Variants in SNX29 observed in about 807,000 individuals in gnomAD.
SNX29 encodes sorting nexin-29.
Under a neutral mutation model 102.1 loss-of-function variants are expected in SNX29, and 78 were observed. That is an observed-to-expected ratio of 0.76 (90% confidence interval 0.64 to 0.92). The LOEUF (loss-of-function observed/expected upper bound fraction) is 0.92, where lower values mean the gene tolerates loss of function less well. Ranked by LOEUF, SNX29 falls within the 40% of genes least tolerant of loss-of-function variation. SNX29 has a pLI of 0.00. For synonymous variants in SNX29, 580 were observed against 414.5 expected, an observed-to-expected ratio of 1.40 and a Z score of -4.85; for missense variants, 1,280 against 1,061.7, an observed-to-expected ratio of 1.21 and a Z score of -2.86.
chr16:12,410,229 C>T (rs1189561169), intron 18 of SNX29, among the ~76,000 whole-genome samples: 2 of 152,112 alleles, frequency 1.3e-5, no homozygotes, highest in Non-Finnish European at 2.9e-5. Context: ...CTTCTGACCT[C>T]GTGATCCACC....
intron 20 of SNX29, among the ~76,000 whole-genome samples, chr16:12,564,299 C>G (rs1025163720): frequency 6.6e-6 from 1 of 152,340 alleles, no homozygotes; most frequent in Non-Finnish European, 1.5e-5. Context: ...TATGAAGTTG[C>G]TGGCTAGACT....
At position 11,976,747 on chromosome 16, in the gene SNX29, C is replaced by T; in HGVS notation, c.-60C>T. 3.2e-6 allele frequency: 4 copies of T among 1,239,282 alleles called. No homozygotes were observed. The highest frequency in any genetic ancestry group is 4.6e-5 in the South Asian group (2 of 43,800). The allele number at this position is 1,239,282 out of a possible 1,614,324, so 76.8% of individuals were successfully genotyped here. A position where few individuals can be genotyped will look rare whatever the true frequency, so the allele number is the denominator to read the frequency against. On this transcript the variant is annotated 5_prime_UTR_variant, in exon 1 of 21. Transcript: ENST00000566228. The stretch of plus-strand genomic sequence containing the variant: ...GTCTCCCGGCCTGTCTGGAGCTCGG[C>T]AGCCGCAGAAGCGGCAGCGGCGGCG...
At chr16:12,070,917 T>C (rs1326725112) in intron 10 of SNX29, among the ~76,000 whole-genome samples, 1 of 152,236 alleles carries the variant, frequency 6.6e-6, no homozygotes, top group African/African-American at 2.4e-5. Context: ...ATTTCTCTGA[T>C]GGCCAGCGAT....
chr16:12,012,848 C>G (rs1567524663), intron 3 of SNX29, among the ~76,000 whole-genome samples: 1 of 152,040 alleles, frequency 6.6e-6, no homozygotes, highest in Non-Finnish European at 1.5e-5. Flanking sequence ...TATATTTTTT[C>G]CTGACACACA....
intron 3 of SNX29, among the ~76,000 whole-genome samples, chr16:12,007,153 T>C (rs1280249598): frequency 6.6e-6 from 1 of 152,182 alleles, no homozygotes; most frequent in African/African-American, 2.4e-5. Flanking sequence ...TGTATTTGGG[T>C]AAAGGTGGCA....
In SNX29 at chr16:12,569,871, AGAGT is replaced by A. The variant is rs1368080100; in HGVS notation, c.*1243_*1246del. 1 of 231,176 alleles carries A rather than the reference AGAGT, an allele frequency of 4.3e-6. No homozygotes were observed. The highest frequency in any genetic ancestry group is 8.6e-6 in the Non-Finnish European group (1 of 116,790). 14.3% of individuals were successfully genotyped at this position (231,176 alleles called of 1,614,324 possible). On this transcript the variant is annotated 3_prime_UTR_variant, in exon 21 of 21. Coordinates refer to ENST00000566228, the MANE Select transcript of SNX29 (RefSeq NM_032167.5). ...AGGATGTCGTGAAATGGACTATGCAAGAGTAAGTTTGTGTGTTTCGCCTTAATCT... is the reference window on the plus strand; with the variant it reads ...AGGATGTCGTGAAATGGACTATGCAAAAGTTTGTGTGTTTCGCCTTAATCT...
chr16:12,113,932 C>G (rs182586590), intron 11 of SNX29, among the ~76,000 whole-genome samples: 31 of 152,358 alleles, frequency 2.0e-4, no homozygotes, highest in Admixed American at 1.9e-3. Flanking sequence ...AGAAGATGAG[C>G]TTGTGTAACC....
At position 12,318,638 on chromosome 16, in the gene SNX29, C is replaced by T. The variant is rs75692322; in HGVS notation, c.1783-37525C>T. 8.0e-3 allele frequency among the ~76,000 whole-genome samples: 1,225 copies of T among 152,202 alleles called. 20 individuals are homozygous for T. The highest frequency in any genetic ancestry group is 0.027 in the African/African-American group (1,118 of 41,512). On this transcript the variant is annotated intron_variant, in intron 15 of 20. Coordinates refer to ENST00000566228, the MANE Select transcript of SNX29 (RefSeq NM_032167.5). The stretch of plus-strand genomic sequence containing the variant: ...CTGTAATCCTGTTCCTGGACCAAAC[C>T]GAGGGTTGCGCTGCTTGTTCTTATG...
At chr16:12,101,443 G>C (rs2053015340) in intron 11 of SNX29, among the ~76,000 whole-genome samples, 1 of 151,590 alleles carries the variant, frequency 6.6e-6, no homozygotes, top group Admixed American at 6.6e-5. Context: ...GAGTACAGTG[G>C]CGTGATCTTG....
chr16:12,515,046 C>G (rs1412495720), intron 19 of SNX29, among the ~76,000 whole-genome samples: 1 of 151,882 alleles, frequency 6.6e-6, no homozygotes, highest in Non-Finnish European at 1.5e-5. Context: ...AGAAAGCACT[C>G]CAAAAATGTT....
At chr16:12,087,875 G>C (rs930312786) in intron 11 of SNX29, 2 of 456,810 alleles carry the variant, frequency 4.4e-6, no homozygotes, top group African/African-American at 2.0e-5. Context: ...TTTTGTGTTC[G>C]ATAGGCTAAG....
chr16:12,487,339 C>A (rs918031986), intron 19 of SNX29, among the ~76,000 whole-genome samples: 1 of 152,192 alleles, frequency 6.6e-6, no homozygotes, highest in Admixed American at 6.5e-5. Flanking sequence ...GCCAGTGTTT[C>A]CATGTACACT....
intron 20 of SNX29, among the ~76,000 whole-genome samples, chr16:12,555,231 A>AATGGAGGTGAGAG (rs1224364055): frequency 5.3e-5 from 8 of 151,654 alleles, no homozygotes; most frequent in African/African-American, 1.9e-4. Context: ...TACAGGGAGA[A>AATGGAGGTGAGAG]ATGGAGGTGA....
intron 14 of SNX29, among the ~76,000 whole-genome samples, chr16:12,249,008 T>A (rs1379216018): frequency 1.3e-5 from 2 of 152,144 alleles, no homozygotes; most frequent in East Asian, 3.9e-4. Flanking sequence ...TGATTCTGTC[T>A]CTGATAGTAA....
At chr16:12,398,850 G>C (rs1567522994) in intron 17 of SNX29, among the ~76,000 whole-genome samples, 1 of 144,550 alleles carries the variant, frequency 6.9e-6, no homozygotes, top group African/African-American at 2.7e-5. Flanking sequence ...TATCCCCTTT[G>C]CACAGGGGCA....
At chr16:12,213,984 C>T (rs535971634) in intron 14 of SNX29, among the ~76,000 whole-genome samples, 18 of 152,172 alleles carry the variant, frequency 1.2e-4, no homozygotes, top group Non-Finnish European at 2.1e-4. Flanking sequence ...CATCAAGCCA[C>T]CCCTTTTTGC....
At position 12,050,999 on chromosome 16, in the gene SNX29, G is replaced by T. The variant is rs979588531; in HGVS notation, c.749-848G>T. On this transcript the variant is annotated intron_variant, in intron 7 of 20. Coordinates refer to ENST00000566228, the MANE Select transcript of SNX29 (RefSeq NM_032167.5). ...ACCTCCCAAAGTGCTGGGATTATAG[G>T]CGTGAGCCACCGCGCCCGGCCCTTT... 2.6e-5 allele frequency among the ~76,000 whole-genome samples: 4 copies of T among 152,110 alleles called. No individual in the cohort carries two copies. The East Asian group carries it at 7.7e-4, about 29-fold the overall frequency.
intron 20 of SNX29, 42 bp from the exon 21 acceptor site, chr16:12,568,464 T>TTCA (rs761946069): frequency 6.2e-7 from 1 of 1,603,890 alleles, no homozygotes. Flanking sequence ...TCATTTGCTT[T>TTCA]TCATCCCCAG....
At chr16:12,519,941 A>G (rs1346312496) in intron 19 of SNX29, among the ~76,000 whole-genome samples, 1 of 152,068 alleles carries the variant, frequency 6.6e-6, no homozygotes, top group Non-Finnish European at 1.5e-5. Flanking sequence ...CAGGGATTGC[A>G]CCACTGCACT....
Sources: gnomAD v4.1 joint callset for allele counts (sites outside exome capture counted in the v4.1 genomes callset) on GRCh38, gnomAD v4.1.1 for gene constraint, MANE v1.5 for transcripts, NCBI Gene and HGNC (gene_info 2026-07-23, HGNC 2026-07-21) for gene names.